Variants in TRAPPC6B observed in about 807,000 individuals in gnomAD.
TRAPPC6B encodes TRAPP complex subunit 6B.
TRAPPC6B carries 27 observed loss-of-function variants against 24.7 expected under a neutral mutation model. The ratio of observed to expected loss-of-function variants is 1.09; its 90% CI spans 0.81 to 1.51. The LOEUF is 1.51. Ranked by LOEUF, TRAPPC6B falls within the 40% of genes most tolerant of loss-of-function variation. The pLI is 0.00. For missense variants in TRAPPC6B, 212 were observed against 190.8 expected, an observed-to-expected ratio of 1.11 and a Z score of -0.66; for synonymous variants, 80 against 66.6, an observed-to-expected ratio of 1.20 and a Z score of -0.98.
intron 5 of TRAPPC6B, among the ~76,000 whole-genome samples, chr14:39,150,966 T>C (rs961184474): frequency 2.0e-5 from 3 of 152,190 alleles, no homozygotes; most frequent in Non-Finnish European, 4.4e-5. Flanking sequence ...AGAAATACAA[T>C]AAAGCTCAAG....
At chr14:39,157,316 C>A (rs1461084048) in intron 3 of TRAPPC6B, 3 of 369,806 alleles carry the variant, frequency 8.1e-6, no homozygotes, top group African/African-American at 4.3e-5. Flanking sequence ...TTCACCCAGG[C>A]CCTGCACCGC....
At chr14:39,153,365 C>T (rs1408078055) in intron 4 of TRAPPC6B, among the ~76,000 whole-genome samples, 1 of 152,048 alleles carries the variant, frequency 6.6e-6, no homozygotes, top group Non-Finnish European at 1.5e-5. Context: ...CAGTGGCTCA[C>T]ACCTGTAATC....
intron 3 of TRAPPC6B, chr14:39,156,699 G>C (rs1296935909): frequency 6.6e-6 from 1 of 152,164 alleles, no homozygotes; most frequent in Non-Finnish European, 1.5e-5. Context: ...CTATAAATTA[G>C]ACTTTAGAAA....
intron 4 of TRAPPC6B, 47 bp downstream of exon 4, chr14:39,154,164 G>A (rs1460363745): frequency 8.6e-7 from 1 of 1,159,698 alleles, no homozygotes; most frequent in Admixed American, 1.8e-5. Context: ...ACTTTTCCCT[G>A]TAGTCCTACT....
At chr14:39,169,968 A>G in intron 1 of TRAPPC6B, 47 bp downstream of exon 1, 2 of 1,586,774 alleles carry the variant, frequency 1.3e-6, no homozygotes, top group South Asian at 1.1e-5. Flanking sequence ...AGGGGAAACA[A>G]GGTGTGTCAC....
At chr14:39,160,924 G>T (rs1029588566) in intron 1 of TRAPPC6B, among the ~76,000 whole-genome samples, 2 of 152,150 alleles carry the variant, frequency 1.3e-5, no homozygotes, top group Non-Finnish European at 2.9e-5. Context: ...GAGGACTTAT[G>T]CAAGGTGTAA....
intron 1 of TRAPPC6B, among the ~76,000 whole-genome samples, chr14:39,167,871 G>GAAT (rs551240875): frequency 3.4e-5 from 5 of 148,066 alleles, no homozygotes; most frequent in Middle Eastern, 6.8e-3. Flanking sequence ...TAACCCACGG[G>GAAT]AAAAAAAAAA....
At position 39,149,843 on chromosome 14, in the gene TRAPPC6B, T is replaced by C. The variant is rs925407198; in HGVS notation, c.*507A>G. The C allele has an allele frequency of 2.6e-5, 4 of 152,328 alleles. No homozygotes were observed. The highest frequency in any genetic ancestry group is 9.6e-5 in the African/African-American group (4 of 41,476). The allele number at this position is 152,328 out of a possible 1,614,324, so 9.4% of individuals were successfully genotyped here. On this transcript the variant is annotated 3_prime_UTR_variant, in exon 6 of 6. Transcript: ENST00000330149. ...TTAGGCAGTCATATATGTATTTATA[T>C]ATACACACATACAATGTATATATGA...
intron 3 of TRAPPC6B, among the ~76,000 whole-genome samples, chr14:39,154,854 C>A (rs746284147): frequency 2.0e-5 from 3 of 152,150 alleles, no homozygotes; most frequent in African/African-American, 4.8e-5. Flanking sequence ...GAGACATAGT[C>A]CCTATCCTTA....
At chr14:39,158,438 C>A in intron 2 of TRAPPC6B, 36 bp from the exon 3 acceptor site, 1 of 1,259,526 alleles carries the variant, frequency 7.9e-7, no homozygotes, top group South Asian at 1.3e-5. Context: ...CAGTATTTCT[C>A]CTCCAAAAAA....
chr14:39,158,603 T>A (rs1320867154), intron 2 of TRAPPC6B: 1 of 457,104 alleles, frequency 2.2e-6, no homozygotes, highest in Non-Finnish European at 3.8e-6. Context: ...TTGCAACGTC[T>A]ACCTCCCTCC....
chr14:39,154,423 T>C, intron 3 of TRAPPC6B, 129 bp from the exon 4 acceptor site: 1 of 620,624 alleles, frequency 1.6e-6, no homozygotes, highest in Non-Finnish European at 2.8e-6. Context: ...GGCCAAGTTT[T>C]CTTTTTCTGT....
intron 1 of TRAPPC6B, among the ~76,000 whole-genome samples, chr14:39,165,320 A>T (rs1317811683): frequency 6.6e-6 from 1 of 152,128 alleles, no homozygotes; most frequent in Non-Finnish European, 1.5e-5. Context: ...GCTGGGTTAC[A>T]AGCGTGAGCC....
intron 4 of TRAPPC6B, among the ~76,000 whole-genome samples, chr14:39,152,094 T>C (rs2052922626): frequency 1.3e-5 from 2 of 152,204 alleles, no homozygotes; most frequent in Admixed American, 1.3e-4. Flanking sequence ...CTAGACTCAG[T>C]GACAAAAACA....
intron 3 of TRAPPC6B, among the ~76,000 whole-genome samples, chr14:39,154,780 C>G (rs1354154238): frequency 6.6e-6 from 1 of 152,072 alleles, no homozygotes; most frequent in East Asian, 1.9e-4. Flanking sequence ...GTTGCGAGTT[C>G]AGTATTTTCA....
chr14:39,157,782 G>T, intron 3 of TRAPPC6B: 1 of 234,498 alleles, frequency 4.3e-6, no homozygotes, highest in South Asian at 6.6e-5. Context: ...GCAATGTCCT[G>T]GGTCTCAAGT....
Position 39,170,038 on chromosome 14 carries a change from T to C in TRAPPC6B, c.58A>G (p.Lys20Glu). 6.2e-7 allele frequency: 1 copy of C among 1,614,150 alleles called. No individual in the cohort carries two copies. Among genetic ancestry groups the C allele is most frequent in the Non-Finnish European group, 8.5e-7 (1 of 1,180,020 alleles). The change falls in exon 1 of 6, where the codon AAG becomes GAG. Residue 20 changes from lysine to glutamate, a missense_variant. Transcript: ENST00000330149. ...ACCACCTCCCCCTGCTCCGCGGACT[T>C]GTACACTCCAGACACCATCTCGTTA... ...LHNEMVSGVY[K>E]SAEQGEVENG... is the part of the protein sequence containing the mutation.
chr14:39,157,482 C>T, intron 3 of TRAPPC6B: 1 of 377,766 alleles, frequency 2.6e-6, no homozygotes, highest in Non-Finnish European at 5.2e-6. Flanking sequence ...CAGGAGTTAA[C>T]ACCATCTCCA....
chr14:39,154,176 T>C (rs2052949016), intron 4 of TRAPPC6B, 35 bp downstream of exon 4: 2 of 1,356,746 alleles, frequency 1.5e-6, no homozygotes. Context: ...AGTCCTACTA[T>C]TAACAAAAAC....
Sources: gnomAD v4.1 joint callset for allele counts (sites outside exome capture counted in the v4.1 genomes callset) on GRCh38, gnomAD v4.1.1 for gene constraint, MANE v1.5 for transcripts, NCBI Gene and HGNC (gene_info 2026-07-23, HGNC 2026-07-21) for gene names.